Variants in SLC24A4 observed in about 807,000 individuals in gnomAD.
The protein encoded by SLC24A4 is sodium/potassium/calcium exchanger 4.
SLC24A4 carries 53 observed loss-of-function variants against 79.0 expected under a neutral mutation model. The ratio of observed to expected loss-of-function variants is 0.67; its 90% CI spans 0.54 to 0.84. The LOEUF is 0.84. Ranked by LOEUF, SLC24A4 falls within the 40% of genes least tolerant of loss-of-function variation. SLC24A4 has a pLI of 0.00. For synonymous variants in SLC24A4, 323 were observed against 323.8 expected, an observed-to-expected ratio of 1.00 and a Z score of 0.03; for missense variants, 731 against 822.0, an observed-to-expected ratio of 0.89 and a Z score of 1.35.
chr14:92,389,519 C>T (rs1273373452), intron 2 of SLC24A4, among the ~76,000 whole-genome samples: 1 of 152,208 alleles, frequency 6.6e-6, no homozygotes, highest in Non-Finnish European at 1.5e-5. Flanking sequence ...AAACCCAGCC[C>T]TTTCTGAGGA....
intron 10 of SLC24A4, chr14:92,453,227 G>C (rs897313890): frequency 6.6e-6 from 1 of 152,214 alleles, no homozygotes; most frequent in Non-Finnish European, 1.5e-5. Flanking sequence ...AGGGTTTATA[G>C]TCACTGGGCT....
In SLC24A4 at chr14:92,497,820, A is replaced by T. The variant is rs1481602825; in HGVS notation, c.*4192A>T. On this transcript the variant is annotated 3_prime_UTR_variant, in exon 17 of 17. Coordinates refer to ENST00000532405, the MANE Select transcript of SLC24A4 (RefSeq NM_153646.4). Reference sequence around the variant, plus strand: ...TGGGCCATGCTCCTCCCTGGCTGGAAAAAGGTGGCTGTGCTGTCCCTGTGA... The same window carrying T: ...TGGGCCATGCTCCTCCCTGGCTGGATAAAGGTGGCTGTGCTGTCCCTGTGA... 1.3e-5 allele frequency: 2 copies of T among 152,392 alleles called. No individual in the cohort carries two copies. The highest frequency in any genetic ancestry group is 4.8e-5 in the African/African-American group (2 of 41,452). 9.4% of individuals were successfully genotyped at this position (152,392 alleles called of 1,614,324 possible). A position where few individuals can be genotyped will look rare whatever the true frequency, so the allele number is the denominator to read the frequency against.
At chr14:92,370,356 A>C (rs1276580548) in intron 2 of SLC24A4, among the ~76,000 whole-genome samples, 1 of 152,140 alleles carries the variant, frequency 6.6e-6, no homozygotes, top group Admixed American at 6.5e-5. Flanking sequence ...CTTTGTTGGG[A>C]AGATGGAGAT....
In SLC24A4 at chr14:92,428,183, G is replaced by T. The variant is rs577093659; in HGVS notation, c.242-5729G>T. On this transcript the variant is annotated intron_variant, in intron 2 of 16. Coordinates refer to ENST00000532405, the MANE Select transcript of SLC24A4 (RefSeq NM_153646.4). Reference sequence around the variant, plus strand: ...AACATCCTGTGCAGGAATAAGGAAGGGGACATGATTGCCAGGAGAGCCTCT... The same window carrying T: ...AACATCCTGTGCAGGAATAAGGAAGTGGACATGATTGCCAGGAGAGCCTCT... Among the ~76,000 whole-genome samples, 6 of 152,346 alleles carry T rather than the reference G, an allele frequency of 3.9e-5. No homozygotes were observed. In the East Asian group the frequency reaches 1.2e-3, roughly 29 times the overall value.
chr14:92,392,277 T>C (rs1889516154), intron 2 of SLC24A4, among the ~76,000 whole-genome samples: 2 of 151,528 alleles, frequency 1.3e-5, no homozygotes, highest in African/African-American at 4.9e-5. Flanking sequence ...TCATTTATCA[T>C]TTTAGAATCA....
intron 12 of SLC24A4, among the ~76,000 whole-genome samples, chr14:92,477,382 A>G (rs909178251): frequency 3.9e-5 from 6 of 152,092 alleles, no homozygotes; most frequent in Non-Finnish European, 8.8e-5. Flanking sequence ...CCCTTATCAG[A>G]TATATTATTT....
At position 92,340,398 on chromosome 14, in the gene SLC24A4, G is replaced by A. The variant is rs540115991; in HGVS notation, c.241+14420G>A. 9.8e-5 allele frequency among the ~76,000 whole-genome samples: 15 copies of A among 152,378 alleles called. No individual in the cohort carries two copies. The South Asian group carries it at 1.7e-3, about 17-fold the overall frequency. Reference sequence around the variant, plus strand: ...TGCAGCATTTGAGCTGTGCTTTGACGCAAGAGGGTATTTGCTGGACAGATG... The same window carrying A: ...TGCAGCATTTGAGCTGTGCTTTGACACAAGAGGGTATTTGCTGGACAGATG... On this transcript the variant is annotated intron_variant, in intron 2 of 16. Coordinates refer to ENST00000532405, the MANE Select transcript of SLC24A4 (RefSeq NM_153646.4).
intron 14 of SLC24A4, 139 bp downstream of exon 14, chr14:92,486,919 T>C (rs1404864321): frequency 6.7e-6 from 4 of 597,390 alleles, no homozygotes; most frequent in Non-Finnish European, 1.2e-5. Context: ...AACTGCGACA[T>C]CTAGAAAGCA....
At chr14:92,483,692 C>T (rs1895198187) in intron 13 of SLC24A4, 12 of 1,267,700 alleles carry the variant, frequency 9.5e-6, no homozygotes, top group Non-Finnish European at 1.2e-5. Flanking sequence ...CTGTATACCA[C>T]CTAATGGGGT....
At chr14:92,345,864 C>T (rs372536414) in intron 2 of SLC24A4, among the ~76,000 whole-genome samples, 106 of 152,266 alleles carry the variant, frequency 7.0e-4, no homozygotes, top group African/African-American at 2.3e-3. Context: ...GTGGAGCTTA[C>T]GGTTTAGTGG....
At chr14:92,403,338 T>C (rs1486530288) in intron 2 of SLC24A4, among the ~76,000 whole-genome samples, 1 of 148,836 alleles carries the variant, frequency 6.7e-6, no homozygotes, top group Non-Finnish European at 1.5e-5. Flanking sequence ...CCAGGCGTGG[T>C]GGTTCATGCC....
intron 15 of SLC24A4, 134 bp from the exon 16 acceptor site, chr14:92,492,041 C>T (rs554155875): frequency 7.2e-6 from 6 of 832,172 alleles, no homozygotes; most frequent in East Asian, 2.5e-5. Context: ...TGACCCTCCA[C>T]GACCATGTGG....
rs1414240839 is a variant in SLC24A4 at position 92,323,453 on chromosome 14, G to C, written c.-378G>C. Reference sequence around the variant, plus strand: ...CGCACTGAGTGCTCCCTACGGCGCTGCTGCCAGGGCTGTGGCCGGGCGAGC... The same window carrying C: ...CGCACTGAGTGCTCCCTACGGCGCTCCTGCCAGGGCTGTGGCCGGGCGAGC... On this transcript the variant is annotated 5_prime_UTR_variant, in exon 1 of 17. Transcript: ENST00000532405. The surrounding 1 kb of genome is among the most constrained non-coding windows in gnomAD (Gnocchi z 4.9). Among the ~76,000 whole-genome samples, 2 of 151,742 alleles carry C rather than the reference G, an allele frequency of 1.3e-5. No individual in the cohort carries two copies. Among genetic ancestry groups the C allele is most frequent in the Non-Finnish European group, 2.9e-5 (2 of 67,880 alleles).
chr14:92,403,606 T>TAA (rs78331584), intron 2 of SLC24A4, among the ~76,000 whole-genome samples: 1 of 110,132 alleles, frequency 9.1e-6, no homozygotes, highest in Admixed American at 9.4e-5. Context: ...AGACTCCATC[T>TAA]AAAAAAAAAA....
chr14:92,443,503 G>T (rs760400185), intron 7 of SLC24A4, 29 bp downstream of exon 7: 1 of 1,612,396 alleles, frequency 6.2e-7, no homozygotes, highest in Non-Finnish European at 8.5e-7. Context: ...CCCAAGGTCA[G>T]GTTGGCTGGG....
intron 2 of SLC24A4, among the ~76,000 whole-genome samples, chr14:92,333,138 G>T (rs1885574715): frequency 6.6e-6 from 1 of 152,164 alleles, no homozygotes; most frequent in South Asian, 2.1e-4. Context: ...CCCTCACCCA[G>T]GTTAGAGTGC....
At chr14:92,364,566 G>A (rs551378703) in intron 2 of SLC24A4, among the ~76,000 whole-genome samples, 1 of 152,230 alleles carries the variant, frequency 6.6e-6, no homozygotes, top group African/African-American at 2.4e-5. Flanking sequence ...GACCAGGGGT[G>A]ACTTTGGAAC....
intron 2 of SLC24A4, among the ~76,000 whole-genome samples, chr14:92,348,148 A>C (rs945621345): frequency 2.6e-5 from 4 of 152,170 alleles, no homozygotes; most frequent in Non-Finnish European, 5.9e-5. Flanking sequence ...AAGGTGCTCC[A>C]TTTACTGAGT....
intron 2 of SLC24A4, among the ~76,000 whole-genome samples, chr14:92,346,162 A>T (rs1423104647): frequency 6.6e-6 from 1 of 152,216 alleles, no homozygotes; most frequent in African/African-American, 2.4e-5. Context: ...TGACTGATAC[A>T]GACTGAACTC....
Sources: gnomAD v4.1 joint callset for allele counts (sites outside exome capture counted in the v4.1 genomes callset) on GRCh38, gnomAD v4.1.1 for gene constraint, Gnocchi (gnomAD v3.1) non-coding constraint, MANE v1.5 for transcripts, NCBI Gene and HGNC (gene_info 2026-07-23, HGNC 2026-07-21) for gene names.